The following ATRNL1 variants were observed in gnomAD, a reference collection of about 807,000 sequenced individuals.
ATRNL1 encodes the protein attractin-like protein 1.
ATRNL1 carries 95 observed loss-of-function variants against 182.7 expected under a neutral mutation model. The observed-to-expected ratio is 0.52, with a 90% CI of 0.44 to 0.62. The LOEUF is 0.62. Ranked by LOEUF, ATRNL1 falls within the 20% of genes least tolerant of loss-of-function variation. The pLI is 0.00. For synonymous variants in ATRNL1, 576 were observed against 568.3 expected (o/e 1.01, Z -0.19); for missense variants, 1,471 against 1,679.5 (o/e 0.88, Z 2.17).
intron 27 of ATRNL1, among the ~76,000 whole-genome samples, chr10:115,789,747 C>T (rs1213392086): frequency 6.6e-6 from 1 of 152,168 alleles, no homozygotes; most frequent in African/African-American, 2.4e-5. Flanking sequence ...CCCCCTGCTT[C>T]CTACGCCAGG....
intron 1 of ATRNL1, among the ~76,000 whole-genome samples, chr10:115,105,255 G>A (rs1843954673): frequency 6.6e-6 from 1 of 151,890 alleles, no homozygotes; most frequent in African/African-American, 2.4e-5. Flanking sequence ...CTAGAGGTTT[G>A]TGGAACTTTG....
chr10:115,307,441 T>C (rs1179600970), intron 17 of ATRNL1, among the ~76,000 whole-genome samples: 1 of 152,148 alleles, frequency 6.6e-6, no homozygotes, highest in Non-Finnish European at 1.5e-5. Flanking sequence ...TTTGTGTTTT[T>C]AGTAGAGACG....
At chr10:115,239,285 T>C (rs1446370150) in intron 9 of ATRNL1, among the ~76,000 whole-genome samples, 1 of 152,102 alleles carries the variant, frequency 6.6e-6, no homozygotes, top group African/African-American at 2.4e-5. Flanking sequence ...TGGGCTAGAG[T>C]GCAGTGGTGC....
At chr10:115,475,827 T>TA (rs1848503188) in intron 24 of ATRNL1, among the ~76,000 whole-genome samples, 1 of 151,360 alleles carries the variant, frequency 6.6e-6, no homozygotes, top group Non-Finnish European at 1.5e-5. Flanking sequence ...CTCACCTTTT[T>TA]AAAACCTTTG....
chr10:115,330,334 A>AT (rs1554934640), intron 18 of ATRNL1, among the ~76,000 whole-genome samples: 1 of 152,164 alleles, frequency 6.6e-6, no homozygotes, highest in Non-Finnish European at 1.5e-5. Flanking sequence ...ATGTTAGAGT[A>AT]TTCTGAATTT....
At chr10:115,728,867 C>T (rs1947699100) in intron 27 of ATRNL1, among the ~76,000 whole-genome samples, 1 of 152,164 alleles carries the variant, frequency 6.6e-6, no homozygotes, top group Non-Finnish European at 1.5e-5. Context: ...ATGAAAGTTA[C>T]AGCAAGTGCT....
intron 25 of ATRNL1, among the ~76,000 whole-genome samples, chr10:115,534,044 T>C (rs1376347330): frequency 1.3e-5 from 2 of 151,602 alleles, no homozygotes; most frequent in East Asian, 1.9e-4. Context: ...AATTTTGGAA[T>C]AGGTGTGGTG....
At chr10:115,702,030 T>C (rs1249958955) in intron 26 of ATRNL1, among the ~76,000 whole-genome samples, 1 of 151,996 alleles carries the variant, frequency 6.6e-6, no homozygotes, top group Non-Finnish European at 1.5e-5. Context: ...AACAAAATAC[T>C]AGCAAATTGA....
chr10:115,383,874 T>C (rs1023054952), intron 19 of ATRNL1, among the ~76,000 whole-genome samples: 2 of 151,912 alleles, frequency 1.3e-5, no homozygotes, highest in African/African-American at 4.8e-5. Context: ...TCAGAAAAAA[T>C]GCAGTTTTGT....
At chr10:115,201,185 G>T (rs1848564031) in intron 8 of ATRNL1, among the ~76,000 whole-genome samples, 1 of 150,438 alleles carries the variant, frequency 6.6e-6, no homozygotes, top group African/African-American at 2.5e-5. Flanking sequence ...TAGGTTGCCT[G>T]TTCACTCTGA....
At chr10:115,388,538 G>T (rs544579015) in intron 19 of ATRNL1, among the ~76,000 whole-genome samples, 32 of 152,002 alleles carry the variant, frequency 2.1e-4, no homozygotes, top group African/African-American at 7.2e-4. Context: ...TCTAAATGTG[G>T]CTCTACTTTA....
chr10:115,476,155 C>A (rs1592711694), intron 24 of ATRNL1, among the ~76,000 whole-genome samples: 1 of 151,066 alleles, frequency 6.6e-6, no homozygotes, highest in East Asian at 1.9e-4. Flanking sequence ...CCTGATTTTT[C>A]CTGTGATATT....
At chr10:115,469,470 CTGCG>C in intron 24 of ATRNL1, 141 bp downstream of exon 24, 7 of 459,826 alleles carry the variant, frequency 1.5e-5, no homozygotes, top group Non-Finnish European at 2.7e-5. Flanking sequence ...AAATAAAGGT[CTGCG>C]AATGTCTGTG....
chr10:115,426,527 G>T (rs1554962951), intron 21 of ATRNL1, among the ~76,000 whole-genome samples: 2 of 151,988 alleles, frequency 1.3e-5, no homozygotes, highest in African/African-American at 4.8e-5. Flanking sequence ...ATTTTGTTGT[G>T]AACATAGAAC....
intron 27 of ATRNL1, among the ~76,000 whole-genome samples, chr10:115,738,428 C>T (rs1055477928): frequency 1.3e-4 from 19 of 151,840 alleles, no homozygotes; most frequent in African/African-American, 3.9e-4. Context: ...GCATGAGCTG[C>T]CATGCCCAGC....
At chr10:115,238,599 A>G (rs1850280777) in intron 9 of ATRNL1, among the ~76,000 whole-genome samples, 1 of 152,132 alleles carries the variant, frequency 6.6e-6, no homozygotes, top group African/African-American at 2.4e-5. Context: ...TTGCTATGCT[A>G]GCTTATTAGT....
At chr10:115,330,819 C>T (rs1246053196) in intron 18 of ATRNL1, among the ~76,000 whole-genome samples, 2 of 151,294 alleles carry the variant, frequency 1.3e-5, no homozygotes, top group South Asian at 2.1e-4. Flanking sequence ...ATATTTATAT[C>T]TTTCTTCAGG....
intron 27 of ATRNL1, among the ~76,000 whole-genome samples, chr10:115,780,779 G>A (rs184552509): frequency 2.2e-3 from 335 of 152,238 alleles, no homozygotes; most frequent in Non-Finnish European, 3.2e-3. Flanking sequence ...TGACTAAAGC[G>A]TCTTTGGGCC....
intron 13 of ATRNL1, among the ~76,000 whole-genome samples, chr10:115,279,402 A>G (rs1190646125): frequency 6.6e-6 from 1 of 152,058 alleles, no homozygotes; most frequent in Non-Finnish European, 1.5e-5. Context: ...GTTTTAATCA[A>G]TTATCTTGTT....
Sources: gnomAD v4.1 joint callset for allele counts (sites outside exome capture counted in the v4.1 genomes callset) on GRCh38, gnomAD v4.1.1 for gene constraint, MANE v1.5 for transcripts, NCBI Gene and HGNC (gene_info 2026-07-23, HGNC 2026-07-21) for gene names.